The following TRDN variants were observed in gnomAD, a reference collection of about 807,000 sequenced individuals.
The protein encoded by TRDN is triadin, also known as triadin in skeletal muscle.
A neutral mutation model predicts 149.7 loss-of-function variants in TRDN; 161 were observed. The observed-to-expected ratio is 1.08, with a 90% CI of 0.95 to 1.23. TRDN has a LOEUF of 1.23. TRDN is among the 50% of genes most tolerant of loss of function. The pLI is 0.00. For missense variants in TRDN, 896 were observed against 823.5 expected, an observed-to-expected ratio of 1.09 and a Z score of -1.08; for synonymous variants, 294 against 250.5, an observed-to-expected ratio of 1.17 and a Z score of -1.64.
chr6:123,317,681 AT>A (rs1489992415), intron 23 of TRDN, among the ~76,000 whole-genome samples: 1 of 151,832 alleles, frequency 6.6e-6, no homozygotes, highest in Non-Finnish European at 1.5e-5. Context: ...AAATTTTGTT[AT>A]TGTCTGTAAT....
intron 1 of TRDN, among the ~76,000 whole-genome samples, chr6:123,627,021 C>T (rs767578276): frequency 1.4e-4 from 22 of 151,906 alleles, no homozygotes; most frequent in East Asian, 3.9e-4. Context: ...CTCCACCACC[C>T]GGGTTCAAGT....
At chr6:123,233,293 T>C (rs1389391546) in intron 38 of TRDN, among the ~76,000 whole-genome samples, 1 of 152,104 alleles carries the variant, frequency 6.6e-6, no homozygotes, top group Non-Finnish European at 1.5e-5. Context: ...GTGCTATTAT[T>C]TAAAGTAATA....
chr6:123,306,671 A>C (rs1307651146), intron 24 of TRDN, among the ~76,000 whole-genome samples: 1 of 152,050 alleles, frequency 6.6e-6, no homozygotes, highest in Non-Finnish European at 1.5e-5. Flanking sequence ...GAGCTGGCTA[A>C]ACTTTCTCGA....
At chr6:123,367,557 A>T (rs1257737140) in intron 19 of TRDN, among the ~76,000 whole-genome samples, 1 of 152,212 alleles carries the variant, frequency 6.6e-6, no homozygotes, top group Non-Finnish European at 1.5e-5. Flanking sequence ...GAAGTGACAT[A>T]CATAACCTCT....
intron 38 of TRDN, among the ~76,000 whole-genome samples, chr6:123,243,804 T>C (rs1776076262): frequency 6.6e-6 from 1 of 152,072 alleles, no homozygotes; most frequent in Non-Finnish European, 1.5e-5. Context: ...TTTGTTACAG[T>C]TAGGATGACA....
In TRDN at chr6:123,315,219, A is replaced by AT. The variant is rs200779198; in HGVS notation, c.1510+1237dup. On this transcript the variant is annotated intron_variant, in intron 24 of 40. Transcript: ENST00000334268. Reference sequence around the variant, plus strand: ...TAAAAATGCTAACAATAATAAAGCAATTTTTTGTACGCAGTTTTTCCTTTT... The same window carrying AT: ...TAAAAATGCTAACAATAATAAAGCAATTTTTTTGTACGCAGTTTTTCCTTTT... Among the ~76,000 whole-genome samples the AT allele has an allele frequency of 4.8e-3, 731 of 151,998 alleles. 4 individuals are homozygous for AT. The highest frequency in any genetic ancestry group is 0.016 in the African/African-American group (684 of 41,528).
At chr6:123,309,364 C>CT (rs1230586094) in intron 24 of TRDN, among the ~76,000 whole-genome samples, 1 of 151,880 alleles carries the variant, frequency 6.6e-6, no homozygotes, top group Non-Finnish European at 1.5e-5. Flanking sequence ...AGGCTAGCTC[C>CT]TAAATATAGC....
chr6:123,634,742 TAATA>T (rs1390338028), intron 1 of TRDN, among the ~76,000 whole-genome samples: 3 of 146,832 alleles, frequency 2.0e-5, no homozygotes, highest in African/African-American at 8.2e-5. Context: ...GAAATATTAT[TAATA>T]AATCATTCCA....
intron 40 of TRDN, among the ~76,000 whole-genome samples, chr6:123,219,408 A>G (rs543667117): frequency 6.6e-6 from 1 of 151,882 alleles, no homozygotes; most frequent in African/African-American, 2.4e-5. Flanking sequence ...ATCTCCTCAC[A>G]ATCTTGGGTG....
rs192507901 is a variant in TRDN, at chr6:123,604,110, C to T, written c.22+32644G>A. ...TGACAAATGAATATTGAGTGCTTAC[C>T]GCGACAGTGTTGGACACAGAAAAAC... On this transcript the variant is annotated intron_variant, in intron 1 of 40. Coordinates refer to ENST00000334268, the MANE Select transcript of TRDN (RefSeq NM_006073.4). Among the ~76,000 whole-genome samples the T allele has an allele frequency of 1.0e-3, 154 of 152,240 alleles. 1 individual carries two copies. Among genetic ancestry groups the T allele is most frequent in the African/African-American group, 3.6e-3 (148 of 41,536 alleles).
intron 21 of TRDN, chr6:123,349,966 A>G: frequency 1.0e-6 from 1 of 985,342 alleles, no homozygotes; most frequent in Non-Finnish European, 1.2e-6. Context: ...ATCAAAAGCA[A>G]AGAAAGAAAC....
intron 2 of TRDN, among the ~76,000 whole-genome samples, chr6:123,549,241 C>CT (rs1167690270): frequency 6.6e-6 from 1 of 151,970 alleles, no homozygotes; most frequent in East Asian, 1.9e-4. Context: ...TAAGTCTTCC[C>CT]TTTTCTATGT....
intron 14 of TRDN, among the ~76,000 whole-genome samples, chr6:123,382,831 A>T (rs1278956095): frequency 6.6e-6 from 1 of 151,986 alleles, no homozygotes; most frequent in Non-Finnish European, 1.5e-5. Context: ...AGGCCATGAA[A>T]CTTTCTGCTC....
chr6:123,266,030 C>T (rs1203801544), intron 32 of TRDN, among the ~76,000 whole-genome samples: 3 of 141,072 alleles, frequency 2.1e-5, no homozygotes, highest in Non-Finnish European at 4.5e-5. Context: ...TAACTAATAG[C>T]TAACAGAGGG....
At chr6:123,249,229 A>G (rs887944611) in intron 38 of TRDN, among the ~76,000 whole-genome samples, 1 of 152,138 alleles carries the variant, frequency 6.6e-6, no homozygotes, top group Non-Finnish European at 1.5e-5. Flanking sequence ...TAAAACCATA[A>G]TAAGATACTA....
intron 8 of TRDN, 40 bp from the exon 9 acceptor site, chr6:123,497,292 A>T (rs1432747171): frequency 7.4e-7 from 1 of 1,357,772 alleles, no homozygotes; most frequent in Admixed American, 3.0e-5. Context: ...AAAAAATGTC[A>T]TCAACACTTC....
intron 1 of TRDN, among the ~76,000 whole-genome samples, chr6:123,615,248 C>CA (rs1263621319): frequency 1.3e-5 from 2 of 152,046 alleles, no homozygotes; most frequent in Non-Finnish European, 2.9e-5. Context: ...GGGGCTTCCT[C>CA]AAAAAACTGA....
intron 14 of TRDN, among the ~76,000 whole-genome samples, chr6:123,386,959 G>A (rs985065378): frequency 2.6e-5 from 4 of 152,156 alleles, no homozygotes; most frequent in Non-Finnish European, 5.9e-5. Context: ...ACCTTGCCTT[G>A]ATGTACGCTT....
intron 22 of TRDN, among the ~76,000 whole-genome samples, chr6:123,334,747 C>A (rs1460256652): frequency 6.6e-6 from 1 of 151,838 alleles, no homozygotes; most frequent in African/African-American, 2.4e-5. Context: ...CTCTATATGT[C>A]CTTACTTAAA....
Sources: allele counts gnomAD v4.1 joint callset (sites outside exome capture counted in the v4.1 genomes callset), GRCh38; gene constraint gnomAD v4.1.1; transcripts MANE v1.5; gene names NCBI Gene and HGNC (gene_info 2026-07-23, HGNC 2026-07-21).